Variants in PPM1H observed in about 807,000 individuals in gnomAD.
PPM1H encodes protein phosphatase, Mg2+/Mn2+ dependent 1H, also known as protein phosphatase 1H.
A neutral mutation model predicts 54.9 loss-of-function variants in PPM1H; 27 were observed. The observed-to-expected ratio is 0.49, with a 90% confidence interval of 0.36 to 0.68. The LOEUF is 0.68. Ranked by LOEUF, PPM1H falls within the 30% of genes least tolerant of loss-of-function variation. The probability of loss-of-function intolerance (pLI) is 0.00; values close to 1 mark genes in which losing one functional copy is unlikely to be tolerated. For synonymous variants in PPM1H, 305 were observed against 270.8 expected (o/e 1.13, Z -1.24); for missense variants, 596 against 667.8 (o/e 0.89, Z 1.19).
chr12:62,835,700 T>A (rs1205517778), intron 1 of PPM1H, among the ~76,000 whole-genome samples: 1 of 152,068 alleles, frequency 6.6e-6, no homozygotes, highest in Non-Finnish European at 1.5e-5. Context: ...AAATATTAAA[T>A]TTTAAATATC....
At position 62,846,059 on chromosome 12, in the gene PPM1H, C is replaced by T. The variant is rs542474183; in HGVS notation, c.246-13780G>A. Among the ~76,000 whole-genome samples the T allele has an allele frequency of 8.5e-5, 13 of 152,264 alleles. No individual in the cohort carries two copies. In the East Asian group the frequency reaches 1.7e-3, roughly 20 times the overall value. On this transcript the variant is annotated intron_variant, in intron 1 of 9. Coordinates refer to ENST00000228705, the MANE Select transcript of PPM1H (RefSeq NM_020700.2). ...AGGCCCTTGTCACATCCAGCAGGCA[C>T]CAATATTTAAACCTCCTAACCTGTC...
At chr12:62,831,744 C>A (rs144140165) in intron 2 of PPM1H, among the ~76,000 whole-genome samples, 5 of 142,490 alleles carry the variant, frequency 3.5e-5, no homozygotes, top group Non-Finnish European at 7.7e-5. Context: ...TGTGTGTATA[C>A]GTATATATAT....
At chr12:62,674,571 C>G (rs981092500) in intron 8 of PPM1H, among the ~76,000 whole-genome samples, 1 of 152,198 alleles carries the variant, frequency 6.6e-6, no homozygotes, top group African/African-American at 2.4e-5. Flanking sequence ...AGTCTATCTA[C>G]TTTACTTGAT....
At chr12:62,925,857 A>G (rs1326058589) in intron 1 of PPM1H, among the ~76,000 whole-genome samples, 1 of 152,128 alleles carries the variant, frequency 6.6e-6, no homozygotes, top group South Asian at 2.1e-4. Context: ...CACAAACACT[A>G]TTTGCCTGTT....
chr12:62,677,549 G>A (rs565855604), intron 8 of PPM1H, among the ~76,000 whole-genome samples: 23 of 152,320 alleles, frequency 1.5e-4, no homozygotes, highest in South Asian at 1.2e-3. Flanking sequence ...TGGTTCAGCC[G>A]TGCTGGGGTG....
At chr12:62,881,778 AAC>A (rs1385932355) in intron 1 of PPM1H, among the ~76,000 whole-genome samples, 1 of 152,186 alleles carries the variant, frequency 6.6e-6, no homozygotes. Context: ...CCTCTCCAGA[AAC>A]AGGGTCAATG....
intron 9 of PPM1H, among the ~76,000 whole-genome samples, chr12:62,652,651 G>A (rs1365965523): frequency 6.6e-6 from 1 of 152,036 alleles, no homozygotes; most frequent in East Asian, 1.9e-4. Flanking sequence ...TCTATTATCA[G>A]TTATGTTAAA....
intron 7 of PPM1H, 114 bp downstream of exon 7, chr12:62,693,822 A>T: frequency 1.1e-6 from 1 of 918,352 alleles, no homozygotes. Flanking sequence ...TCAAGCTGTC[A>T]AGGCTATAAA....
chr12:62,773,228 A>G (rs1159354258), intron 4 of PPM1H, among the ~76,000 whole-genome samples: 3 of 152,312 alleles, frequency 2.0e-5, no homozygotes, highest in African/African-American at 7.2e-5. Flanking sequence ...TAATTCCAGC[A>G]CTTTGGAAGG....
At chr12:62,744,764 G>A (rs1455735175) in intron 4 of PPM1H, among the ~76,000 whole-genome samples, 8 of 152,198 alleles carry the variant, frequency 5.3e-5, no homozygotes, top group Non-Finnish European at 8.8e-5. Context: ...CACTGCAGCC[G>A]CCAGGACAGC....
At chr12:62,730,439 C>T (rs1252806495) in intron 5 of PPM1H, among the ~76,000 whole-genome samples, 1 of 152,178 alleles carries the variant, frequency 6.6e-6, no homozygotes, top group Non-Finnish European at 1.5e-5. Flanking sequence ...TTTCCACCCT[C>T]ATCAGCAGAA....
intron 4 of PPM1H, among the ~76,000 whole-genome samples, chr12:62,760,508 C>G (rs1450531972): frequency 6.6e-6 from 1 of 152,166 alleles, no homozygotes; most frequent in Non-Finnish European, 1.5e-5. Context: ...ATTACCTCCC[C>G]TCACACCCAG....
intron 1 of PPM1H, among the ~76,000 whole-genome samples, chr12:62,929,253 G>T (rs1043221452): frequency 3.3e-5 from 5 of 152,106 alleles, no homozygotes; most frequent in Admixed American, 3.3e-4. Flanking sequence ...ATCCAGCATG[G>T]GACCAATGCT....
chr12:62,668,606 G>C (rs933603760), intron 8 of PPM1H, among the ~76,000 whole-genome samples: 1 of 152,148 alleles, frequency 6.6e-6, no homozygotes, highest in Non-Finnish European at 1.5e-5. Flanking sequence ...GGAACCCCTG[G>C]CTTCAAGGGA....
chr12:62,794,160 A>T (rs1592602306), intron 3 of PPM1H, among the ~76,000 whole-genome samples: 1 of 152,184 alleles, frequency 6.6e-6, no homozygotes, highest in African/African-American at 2.4e-5. Context: ...TACTATTGCC[A>T]CCTGCCGGCT....
intron 1 of PPM1H, among the ~76,000 whole-genome samples, chr12:62,842,671 G>T (rs1340684297): frequency 6.6e-6 from 1 of 152,196 alleles, no homozygotes; most frequent in Non-Finnish European, 1.5e-5. Context: ...CTGTTATGTA[G>T]TAAGGAGGGT....
chr12:62,755,748 G>T, intron 4 of PPM1H: 1 of 732,776 alleles, frequency 1.4e-6, no homozygotes, highest in East Asian at 2.6e-5. Context: ...AAGGACTCAT[G>T]AATGACCACA....
At chr12:62,675,889 G>A (rs971756689) in intron 8 of PPM1H, among the ~76,000 whole-genome samples, 2 of 152,204 alleles carry the variant, frequency 1.3e-5, no homozygotes, top group Non-Finnish European at 2.9e-5. Context: ...TAAACTGTGG[G>A]ATATTTGCTG....
At chr12:62,802,746 A>AT (rs887846791) in intron 2 of PPM1H, among the ~76,000 whole-genome samples, 38 of 151,070 alleles carry the variant, frequency 2.5e-4, no homozygotes, top group Admixed American at 1.8e-3. Context: ...CACCAGGCTA[A>AT]TTTTTTTTTG....
Sources: allele counts gnomAD v4.1 joint callset (sites outside exome capture counted in the v4.1 genomes callset), GRCh38; gene constraint gnomAD v4.1.1; transcripts MANE v1.5; gene names NCBI Gene and HGNC (gene_info 2026-07-23, HGNC 2026-07-21).